KHDRBS2: variants seen among roughly 807,000 people sequenced by gnomAD.
The protein encoded by KHDRBS2 is KH domain-containing, RNA-binding, signal transduction-associated protein 2.
A neutral mutation model predicts 44.3 loss-of-function variants in KHDRBS2; 26 were observed. The observed-to-expected ratio is 0.59, with a 90% CI of 0.43 to 0.81. The LOEUF is 0.81. Ranked by LOEUF, KHDRBS2 falls within the 40% of genes least tolerant of loss-of-function variation. KHDRBS2 has a pLI of 0.00. For synonymous variants in KHDRBS2, 194 were observed against 151.1 expected (o/e 1.28, Z -2.08); for missense variants, 476 against 433.1 (o/e 1.10, Z -0.88).
chr6:62,072,922 G>T (rs921917448), intron 2 of KHDRBS2, among the ~76,000 whole-genome samples: 1 of 152,022 alleles, frequency 6.6e-6, no homozygotes, highest in Non-Finnish European at 1.5e-5. Context: ...AATGGTACCA[G>T]CTCCCCCTTG....
At chr6:61,663,500 C>CATATATATATATATATATATATACAT in the KHDRBS2 span, among the ~76,000 whole-genome samples, 1 of 35,970 alleles carries the variant, frequency 2.8e-5, no homozygotes, top group Non-Finnish European at 5.3e-5. Context: ...CATGAGACAC[C>CATATATATATATATATATATATACAT]ATATATATAT....
intron 3 of KHDRBS2, among the ~76,000 whole-genome samples, chr6:62,041,713 C>T (rs1468509914): frequency 6.6e-6 from 1 of 151,912 alleles, no homozygotes; most frequent in Non-Finnish European, 1.5e-5. Context: ...AGGAGCAGGT[C>T]TTAATTACAA....
chr6:62,132,943 C>T (rs1466968770), intron 2 of KHDRBS2, among the ~76,000 whole-genome samples: 1 of 152,168 alleles, frequency 6.6e-6, no homozygotes, highest in African/African-American at 2.4e-5. Context: ...TAAGGTATGA[C>T]TCAACAGCGT....
At chr6:62,211,157 C>T (rs1234828164) in intron 1 of KHDRBS2, among the ~76,000 whole-genome samples, 1 of 152,026 alleles carries the variant, frequency 6.6e-6, no homozygotes, top group African/African-American at 2.4e-5. Context: ...TTAGTCTCTA[C>T]CAAAACAGAT....
At chr6:61,863,155 T>C (rs1797252070) in intron 6 of KHDRBS2, among the ~76,000 whole-genome samples, 1 of 152,044 alleles carries the variant, frequency 6.6e-6, no homozygotes, top group Non-Finnish European at 1.5e-5. Flanking sequence ...TCTGGTTCTT[T>C]TTATTTGAAT....
intron 4 of KHDRBS2, among the ~76,000 whole-genome samples, chr6:61,924,402 C>A (rs1931808): frequency 0.87 from 131,831 of 151,764 alleles, 57,704 homozygotes; most frequent in African/African-American, 0.95. Context: ...TGTTTCACAG[C>A]TGCATACATC....
At chr6:61,997,023 C>T (rs1425142873) in intron 3 of KHDRBS2, among the ~76,000 whole-genome samples, 3 of 152,226 alleles carry the variant, frequency 2.0e-5, no homozygotes, top group African/African-American at 2.4e-5. Context: ...CCTCGTGATC[C>T]GCCCACCTTG....
At chr6:61,827,997 C>T (rs948173155) in intron 6 of KHDRBS2, among the ~76,000 whole-genome samples, 1 of 152,020 alleles carries the variant, frequency 6.6e-6, no homozygotes, top group Admixed American at 6.6e-5. Context: ...AATTTAAATC[C>T]CCCCTGTTCT....
intron 6 of KHDRBS2, among the ~76,000 whole-genome samples, chr6:61,750,270 G>T (rs1317293616): frequency 6.6e-6 from 1 of 152,150 alleles, no homozygotes; most frequent in Non-Finnish European, 1.5e-5. Context: ...ATGAATACAA[G>T]CTTCCTTTAA....
intron 3 of KHDRBS2, among the ~76,000 whole-genome samples, chr6:62,040,520 A>G (rs1413957147): frequency 6.6e-6 from 1 of 152,072 alleles, no homozygotes; most frequent in Non-Finnish European, 1.5e-5. Context: ...TTTTTGGGCC[A>G]TAGATAGGAA....
chr6:62,183,894 A>G (rs1251576371), intron 1 of KHDRBS2, among the ~76,000 whole-genome samples: 9 of 151,792 alleles, frequency 5.9e-5, no homozygotes, highest in Admixed American at 5.9e-4. Flanking sequence ...TAACTATTTT[A>G]CAAATGATAC....
Position 62,233,693 on chromosome 6 carries a change from T to C in KHDRBS2, c.91+52165A>G, listed in dbSNP as rs369790104. 1.1e-4 allele frequency among the ~76,000 whole-genome samples: 16 copies of C among 152,260 alleles called. No individual in the cohort carries two copies. In the South Asian group the frequency reaches 2.9e-3, roughly 28 times the overall value. The stretch of plus-strand genomic sequence containing the variant: ...TATGTTGTTCCCCTCTATGTGTTCA[T>C]GTGTTCTCATCGTTTAGCACCCACT... On this transcript the variant is annotated intron_variant, in intron 1 of 8. Coordinates refer to ENST00000281156, the MANE Select transcript of KHDRBS2 (RefSeq NM_152688.4).
intron 6 of KHDRBS2, among the ~76,000 whole-genome samples, chr6:61,870,738 T>A (rs1303523062): frequency 6.6e-6 from 1 of 152,128 alleles, no homozygotes; most frequent in Non-Finnish European, 1.5e-5. Flanking sequence ...AAACAGGGTC[T>A]GGAGTGGACC....
intron 3 of KHDRBS2, among the ~76,000 whole-genome samples, chr6:62,043,518 G>C (rs1787004806): frequency 6.6e-6 from 1 of 151,998 alleles, no homozygotes; most frequent in Admixed American, 6.6e-5. Flanking sequence ...ATTCCTGGCT[G>C]GTCTTAAGTA....
the KHDRBS2 span, among the ~76,000 whole-genome samples, chr6:61,626,816 A>G: frequency 1.3e-5 from 2 of 151,196 alleles, no homozygotes; most frequent in Non-Finnish European, 2.9e-5. Context: ...ATATCATGTG[A>G]CCTTTTACTT....
chr6:62,068,235 G>A (rs1414425268), intron 2 of KHDRBS2, among the ~76,000 whole-genome samples: 1 of 151,538 alleles, frequency 6.6e-6, no homozygotes, highest in African/African-American at 2.4e-5. Context: ...ATCCTAGTGG[G>A]TGTGAAGTTG....
chr6:61,840,441 CT>C (rs1486604909), intron 6 of KHDRBS2, among the ~76,000 whole-genome samples: 1 of 152,062 alleles, frequency 6.6e-6, no homozygotes, highest in African/African-American at 2.4e-5. Flanking sequence ...TTTAAGTTCT[CT>C]GGACAAGTGC....
chr6:61,555,316 C>T, the KHDRBS2 span, among the ~76,000 whole-genome samples: 25 of 152,128 alleles, frequency 1.6e-4, no homozygotes, highest in East Asian at 3.9e-4. Flanking sequence ...TACTTGCAAC[C>T]GTATTCTGAA....
At position 61,708,151 on chromosome 6, in the gene KHDRBS2, A is replaced by G. The variant is rs140271498; in HGVS notation, c.894-10898T>C. The stretch of plus-strand genomic sequence containing the variant: ...TCTGATATTAGAAATTAGTGCTCAC[A>G]TGTGTGATTATTTGCTTTGCTGAGA... On this transcript the variant is annotated intron_variant, in intron 7 of 8. Transcript: ENST00000281156. Among the ~76,000 whole-genome samples, 299 of 151,788 alleles carry G rather than the reference A, an allele frequency of 2.0e-3. 2 individuals carry two copies. Among genetic ancestry groups the G allele is most frequent in the African/African-American group, 6.8e-3 (284 of 41,484 alleles).
Sources: gnomAD v4.1 joint callset for allele counts (sites outside exome capture counted in the v4.1 genomes callset) on GRCh38, gnomAD v4.1.1 for gene constraint, MANE v1.5 for transcripts, NCBI Gene and HGNC (gene_info 2026-07-23, HGNC 2026-07-21) for gene names.